SMYD3: variants seen among roughly 807,000 people sequenced by gnomAD.
The protein encoded by SMYD3 is SET and MYND domain containing 3.
SMYD3 carries 36 observed loss-of-function variants against 57.7 expected under a neutral mutation model. That is an observed-to-expected ratio of 0.62 (90% confidence interval 0.48 to 0.82). The LOEUF (loss-of-function observed/expected upper bound fraction) is 0.82, where lower values mean the gene tolerates loss of function less well. Among genes scored for constraint, SMYD3 ranks in the 40% least tolerant of loss-of-function variants. The pLI is 0.00. For missense variants in SMYD3, 515 were observed against 538.8 expected, an observed-to-expected ratio of 0.96 and a Z score of 0.44; for synonymous variants, 211 against 195.0, an observed-to-expected ratio of 1.08 and a Z score of -0.68.
chr1:246,189,694 T>C (rs1257910519), intron 5 of SMYD3, among the ~76,000 whole-genome samples: 1 of 152,152 alleles, frequency 6.6e-6, no homozygotes, highest in Admixed American at 6.5e-5. Context: ...CTATCAGACA[T>C]CTCCATGGGC....
rs780877245 is a variant in SMYD3 at position 245,841,658 on chromosome 1, TA to T, written c.1076+16837del. Among the ~76,000 whole-genome samples the T allele has an allele frequency of 4.6e-5, 7 of 152,264 alleles. No homozygotes were observed. The East Asian group carries it at 7.7e-4, about 17-fold the overall frequency. On this transcript the variant is annotated intron_variant, in intron 10 of 11. Coordinates refer to ENST00000490107, the MANE Select transcript of SMYD3 (RefSeq NM_001167740.2). ...AATAAAATAACATTTTTAAAGCATA[TA>T]AAAAAATAAAATGTAGTTGAAACAA...
At chr1:245,792,088 C>A (rs2148189387) in intron 10 of SMYD3, among the ~76,000 whole-genome samples, 1 of 151,936 alleles carries the variant, frequency 6.6e-6, no homozygotes, top group Admixed American at 6.6e-5. Flanking sequence ...GACTTTGTAC[C>A]TAGAGGGTTT....
chr1:245,920,112 G>A (rs1026676107), intron 7 of SMYD3, among the ~76,000 whole-genome samples: 1 of 152,096 alleles, frequency 6.6e-6, no homozygotes, highest in African/African-American at 2.4e-5. Context: ...AGGAGATTGA[G>A]ACCATCCTGG....
At chr1:246,414,856 A>T (rs1370775793) in intron 1 of SMYD3, among the ~76,000 whole-genome samples, 1 of 151,518 alleles carries the variant, frequency 6.6e-6, no homozygotes, top group Admixed American at 6.6e-5. Flanking sequence ...AGCTGGAATT[A>T]CAGGCACACA....
chr1:246,359,625 G>A (rs182674208), intron 1 of SMYD3, among the ~76,000 whole-genome samples: 35 of 152,168 alleles, frequency 2.3e-4, no homozygotes, highest in African/African-American at 7.2e-4. Flanking sequence ...ATGATCAAGC[G>A]GGTTTCATAC....
At chr1:246,209,966 T>G (rs1265453147) in intron 5 of SMYD3, among the ~76,000 whole-genome samples, 2 of 152,186 alleles carry the variant, frequency 1.3e-5, no homozygotes, top group Admixed American at 1.3e-4. Context: ...ACATCTTATC[T>G]GGTAACTCTG....
rs138768961 is a variant in SMYD3 at position 246,177,773 on chromosome 1, G to C, written c.531+149428C>G. On this transcript the variant is annotated intron_variant, in intron 5 of 11. Transcript: ENST00000490107. Reference sequence around the variant, plus strand: ...GAGCTATGAGGACAGAGTGGATAATGATTAGTACATAGAAAAGTTGCTACT... The same window carrying C: ...GAGCTATGAGGACAGAGTGGATAATCATTAGTACATAGAAAAGTTGCTACT... Among the ~76,000 whole-genome samples the C allele has an allele frequency of 5.9e-5, 9 of 152,276 alleles. No homozygotes were observed. The East Asian group carries it at 1.7e-3, about 29-fold the overall frequency.
At chr1:245,795,826 C>T (rs1032286810) in intron 10 of SMYD3, among the ~76,000 whole-genome samples, 10 of 152,180 alleles carry the variant, frequency 6.6e-5, no homozygotes, top group African/African-American at 2.2e-4. Context: ...ATACTATTCT[C>T]GGCCTTTTAA....
At chr1:246,284,225 T>G (rs1458819846) in intron 5 of SMYD3, among the ~76,000 whole-genome samples, 1 of 152,180 alleles carries the variant, frequency 6.6e-6, no homozygotes, top group Admixed American at 6.5e-5. Context: ...GCAGTACTTC[T>G]GCATCTAGCA....
At chr1:246,153,401 G>C (rs1208796735) in intron 5 of SMYD3, among the ~76,000 whole-genome samples, 1 of 136,358 alleles carries the variant, frequency 7.3e-6, no homozygotes, top group East Asian at 2.7e-4. Context: ...AACCCTGCTG[G>C]AGATAGGGAA....
intron 5 of SMYD3, among the ~76,000 whole-genome samples, chr1:246,196,047 A>C (rs906569810): frequency 4.6e-5 from 7 of 151,752 alleles, no homozygotes; most frequent in African/African-American, 7.3e-5. Flanking sequence ...TTAAAAAAAA[A>C]CCTCCCTTTG....
intron 2 of SMYD3, among the ~76,000 whole-genome samples, chr1:246,343,996 C>G (rs2065670897): frequency 6.6e-6 from 1 of 152,022 alleles, no homozygotes; most frequent in African/African-American, 2.4e-5. Context: ...CTTTTAATGG[C>G]AAAAACCACA....
chr1:245,885,095 C>T (rs1185106849), intron 8 of SMYD3, among the ~76,000 whole-genome samples: 1 of 152,090 alleles, frequency 6.6e-6, no homozygotes, highest in African/African-American at 2.4e-5. Flanking sequence ...ACAAACAACT[C>T]TGTACACGCC....
chr1:246,477,687 C>T (rs895599148), intron 1 of SMYD3, among the ~76,000 whole-genome samples: 6 of 152,206 alleles, frequency 3.9e-5, no homozygotes, highest in African/African-American at 1.4e-4. Flanking sequence ...ATGGAATTTA[C>T]ACAACTTATT....
chr1:245,817,286 C>T (rs562172110), intron 10 of SMYD3, among the ~76,000 whole-genome samples: 10 of 136,852 alleles, frequency 7.3e-5, no homozygotes, highest in South Asian at 2.2e-4. Context: ...AGCAGGGGCA[C>T]ACTGACACCT....
chr1:246,117,707 G>C (rs1189935735), intron 5 of SMYD3, among the ~76,000 whole-genome samples: 1 of 152,142 alleles, frequency 6.6e-6, no homozygotes, highest in African/African-American at 2.4e-5. Context: ...TCAAGTTCCA[G>C]GGTACATGTG....
At chr1:246,196,252 A>G (rs1374011966) in intron 5 of SMYD3, among the ~76,000 whole-genome samples, 1 of 152,164 alleles carries the variant, frequency 6.6e-6, no homozygotes, top group Non-Finnish European at 1.5e-5. Context: ...AGTGCTTGTT[A>G]TTAACTACTA....
chr1:246,069,508 T>C (rs2060405256), intron 5 of SMYD3, among the ~76,000 whole-genome samples: 1 of 152,238 alleles, frequency 6.6e-6, no homozygotes, highest in Non-Finnish European at 1.5e-5. Flanking sequence ...AACTATGCTG[T>C]TGCCAGAGAT....
intron 5 of SMYD3, among the ~76,000 whole-genome samples, chr1:246,137,815 T>A (rs1199661127): frequency 6.6e-6 from 1 of 152,178 alleles, no homozygotes; most frequent in East Asian, 1.9e-4. Context: ...TTTAAAGTCA[T>A]CTAAGAAGGT....
Sources: gnomAD v4.1 joint callset for allele counts (sites outside exome capture counted in the v4.1 genomes callset) on GRCh38, gnomAD v4.1.1 for gene constraint, MANE v1.5 for transcripts, NCBI Gene and HGNC (gene_info 2026-07-23, HGNC 2026-07-21) for gene names.